The following DGKK variants were observed in gnomAD, a reference collection of about 807,000 sequenced individuals.
DGKK encodes the protein diacylglycerol kinase kappa, also known as 142 kDa diacylglycerol kinase.
DGKK carries 35 observed loss-of-function variants against 92.2 expected under a neutral mutation model. That is an observed-to-expected ratio of 0.38 (90% CI 0.29 to 0.50). The LOEUF is 0.50. Among genes scored for constraint, DGKK ranks in the 20% least tolerant of loss-of-function variants. The pLI, the probability that DGKK is intolerant of heterozygous loss-of-function variation, is 0.92. For synonymous variants in DGKK, 368 were observed against 360.6 expected, an observed-to-expected ratio of 1.02 and a Z score of -0.23; for missense variants, 910 against 992.2, an observed-to-expected ratio of 0.92 and a Z score of 1.11.
intron 27 of DGKK, among the ~76,000 whole-genome samples, chrX:50,369,833 G>C (rs781954453): frequency 4.5e-5 from 5 of 111,576 alleles, no homozygotes; most frequent in Non-Finnish European, 9.4e-5. Flanking sequence ...CAAAGTGTTG[G>C]GATTACAGGT....
chrX:50,424,230 C>A lies in DGKK; in HGVS notation c.756+18G>T, dbSNP rs967719448. On this transcript the variant is annotated intron_variant, in intron 2 of 27. Transcript: ENST00000611977. ...GGCACCCACCCATTAATCTAGTTGA[C>A]AATATGCTATACATTACCGCGGGAT... 29 of 1,191,370 alleles carry A rather than the reference C, an allele frequency of 2.4e-5. No individual in the cohort carries two copies. Among genetic ancestry groups the A allele is most frequent in the Non-Finnish European group, 3.3e-5 (29 of 882,890 alleles).
chrX:50,461,953 T>A (rs1273487361), intron 1 of DGKK, among the ~76,000 whole-genome samples: 1 of 111,252 alleles, frequency 9.0e-6, no homozygotes, highest in Non-Finnish European at 1.9e-5. Context: ...ATGGATCACC[T>A]CCATTACTGA....
intron 1 of DGKK, among the ~76,000 whole-genome samples, chrX:50,448,154 G>A (rs1192102399): frequency 2.7e-5 from 3 of 110,686 alleles, no homozygotes; most frequent in African/African-American, 9.8e-5. Flanking sequence ...TTTTGGGTGG[G>A]AATACTTTTA....
chrX:50,412,091 G>A (rs185222781), intron 4 of DGKK, among the ~76,000 whole-genome samples: 1 of 111,569 alleles, frequency 9.0e-6, no homozygotes, highest in Admixed American at 9.5e-5. Flanking sequence ...CATCATCTTG[G>A]TGCTAAAAAA....
chrX:50,419,715 A>G (rs1239084714), intron 4 of DGKK, among the ~76,000 whole-genome samples: 1 of 112,264 alleles, frequency 8.9e-6, no homozygotes, highest in Non-Finnish European at 1.9e-5. Flanking sequence ...TGGAACTTAC[A>G]TAAATTCTAA....
intron 8 of DGKK, 128 bp from the exon 9 acceptor site, chrX:50,393,463 G>A (rs1277926364): frequency 1.5e-5 from 8 of 534,504 alleles, no homozygotes; most frequent in Non-Finnish European, 2.4e-5. Flanking sequence ...AAAATGAGGA[G>A]CAGAGGAAAA....
Position 50,404,187 on chromosome X carries a change from A to G in DGKK, c.943-3T>C, listed in dbSNP as rs782708352. On this transcript the variant is annotated splice_region_variant and splice_polypyrimidine_tract_variant and intron_variant, in intron 4 of 27. Coordinates refer to ENST00000611977, the MANE Select transcript of DGKK (RefSeq NM_001013742.4). ...GGGTTGTTTTCTGCTGCAGGTATCT[A>G]AAATAAATAAACGAGAAGAGAGAAT... 1 of 1,197,970 alleles carries G rather than the reference A, an allele frequency of 8.3e-7. No homozygotes were observed. Among genetic ancestry groups the G allele is most frequent in the Non-Finnish European group, 1.1e-6 (1 of 889,247 alleles).
intron 1 of DGKK, among the ~76,000 whole-genome samples, chrX:50,456,117 TGATTGGAAACAAG>T (rs1557232852): frequency 8.9e-6 from 1 of 111,895 alleles, no homozygotes; most frequent in South Asian, 3.7e-4. Flanking sequence ...TTGTTCCTTC[TGATTGGAAACAAG>T]GTGCCTGTTG....
chrX:50,418,354 A>G (rs1370358060), intron 4 of DGKK, among the ~76,000 whole-genome samples: 2 of 111,705 alleles, frequency 1.8e-5, no homozygotes, highest in African/African-American at 6.5e-5. Flanking sequence ...CAAGTATTGC[A>G]TCTTTTTTTT....
chrX:50,416,390 A>G (rs1188727680), intron 4 of DGKK, among the ~76,000 whole-genome samples: 1 of 112,323 alleles, frequency 8.9e-6, no homozygotes, highest in Non-Finnish European at 1.9e-5. Flanking sequence ...ATGAAAGCTT[A>G]TTGACTCCAA....
At chrX:50,439,227 T>G (rs1926109918) in intron 1 of DGKK, among the ~76,000 whole-genome samples, 1 of 111,779 alleles carries the variant, frequency 8.9e-6, no homozygotes, top group African/African-American at 3.2e-5. Context: ...GATTCTTATA[T>G]TAATATATCC....
Position 50,470,094 on chromosome X carries a change from G to A in DGKK, c.585C>T (p.Thr195=). 2 of 1,210,786 alleles carry A rather than the reference G, an allele frequency of 1.7e-6. No homozygotes were observed. Among genetic ancestry groups the A allele is most frequent in the Non-Finnish European group, 1.1e-6 (1 of 894,919 alleles). ...PVDTRERGLK[T]SPSPSPSPSP... is the part of the protein sequence containing the mutation. ...ATGGCGATGGCGATGGCGATGGCGAGGTCTTTAGACCTCTCTCTCGAGTGT... is the reference window on the plus strand; with the variant it reads ...ATGGCGATGGCGATGGCGATGGCGAAGTCTTTAGACCTCTCTCTCGAGTGT... Residue 195 remains threonine, a synonymous_variant, in exon 1 of 28, where the codon ACC becomes ACT. Coordinates refer to ENST00000611977, the MANE Select transcript of DGKK (RefSeq NM_001013742.4).
At position 50,391,561 on chromosome X, in the gene DGKK, T is replaced by C. The variant is rs1557225544; in HGVS notation, c.1720A>G (p.Ile574Val). ...GLHEKCQLAV[I>V]PLGTGNDLAR... The stretch of plus-strand genomic sequence containing the variant: ...AGATCATTGCCGGTTCCAAGTGGGA[T>C]GACTGCCAACTGACACTGCAAGAAC... Residue 574 changes from isoleucine to valine, a missense_variant, in exon 11 of 28, where the codon ATC (isoleucine) becomes GTC (valine). Physicochemically the swap from Ile to Val is conservative, Grantham distance 29. Coordinates refer to ENST00000611977, the MANE Select transcript of DGKK (RefSeq NM_001013742.4). 1.1e-5 allele frequency: 13 copies of C among 1,209,651 alleles called. No individual in the cohort carries two copies. The highest frequency in any genetic ancestry group is 1.5e-5 in the Non-Finnish European group (13 of 894,917).
At chrX:50,454,335 A>G (rs1276664839) in intron 1 of DGKK, among the ~76,000 whole-genome samples, 2 of 111,289 alleles carry the variant, frequency 1.8e-5, no homozygotes, top group Non-Finnish European at 3.8e-5. Context: ...AGCGCTCAAC[A>G]CAGAGTAGGT....
At chrX:50,447,343 TTATATATATATATAA>T (rs2084977547) in intron 1 of DGKK, among the ~76,000 whole-genome samples, 1 of 12,300 alleles carries the variant, frequency 8.1e-5, no homozygotes, top group Admixed American at 2.0e-3. Context: ...TATATATATA[TTATATATATATATAA>T]TATATATATA....
chrX:50,377,033 G>A (rs4590578), intron 22 of DGKK, 115 bp from the exon 23 acceptor site: 187,376 of 674,700 alleles, frequency 0.28, 20,854 homozygotes, highest in African/African-American at 0.57. Context: ...ACAGTGGGTA[G>A]AGGGGAAGGA....
chrX:50,365,799 G>C lies in DGKK; in HGVS notation c.*3141C>G, dbSNP rs2147113526. 8.9e-6 allele frequency: 1 copy of C among 111,884 alleles called. No individual in the cohort carries two copies. Among genetic ancestry groups the C allele is most frequent in the East Asian group, 2.8e-4 (1 of 3,535 alleles). The allele number at this position is 111,884 out of a possible 1,213,427, so 9.2% of individuals were successfully genotyped here. A position where few individuals can be genotyped will look rare whatever the true frequency, so the allele number is the denominator to read the frequency against. On this transcript the variant is annotated 3_prime_UTR_variant, in exon 28 of 28. Transcript: ENST00000611977. ...AAAAATTCTTCCATTTGTGTCCTGA[G>C]GGAAGATGACGTTGACCCTGACTGT... is the stretch of plus-strand genomic sequence containing the variant.
At chrX:50,376,311 T>C in intron 23 of DGKK, 146 bp from the exon 24 acceptor site, 1 of 539,019 alleles carries the variant, frequency 1.9e-6, no homozygotes, top group East Asian at 3.7e-5. Context: ...ATTTCTGCTC[T>C]TCTCTAGGTA....
intron 4 of DGKK, among the ~76,000 whole-genome samples, chrX:50,413,694 A>G (rs1441741005): frequency 8.9e-6 from 1 of 112,249 alleles, no homozygotes; most frequent in Admixed American, 9.4e-5. Flanking sequence ...TTAACAAAAA[A>G]GATGAAAGAT....
Sources: allele counts gnomAD v4.1 joint callset (sites outside exome capture counted in the v4.1 genomes callset), GRCh38; gene constraint gnomAD v4.1.1; transcripts MANE v1.5; gene names NCBI Gene and HGNC (gene_info 2026-07-23, HGNC 2026-07-21).